TPPP: variants seen among roughly 807,000 people sequenced by gnomAD.
TPPP encodes tubulin polymerization promoting protein, also known as tubulin polymerization-promoting protein.
A neutral mutation model predicts 15.5 loss-of-function variants in TPPP; 6 were observed. The ratio of observed to expected loss-of-function variants is 0.39; its 90% CI spans 0.21 to 0.77. TPPP has a LOEUF of 0.77. TPPP is among the 30% of genes least tolerant of loss of function. TPPP has a pLI of 0.42. For synonymous variants in TPPP, 146 were observed against 133.9 expected (o/e 1.09, Z -0.63); for missense variants, 269 against 307.2 (o/e 0.88, Z 0.93).
intron 2 of TPPP, among the ~76,000 whole-genome samples, chr5:673,067 G>A (rs1740278824): frequency 6.6e-6 from 1 of 152,104 alleles, no homozygotes; most frequent in East Asian, 1.9e-4. Context: ...CAGTACCGAA[G>A]GCCACTTCCT....
chr5:685,217 C>G (rs752606396), intron 1 of TPPP, among the ~76,000 whole-genome samples: 4 of 152,238 alleles, frequency 2.6e-5, no homozygotes, highest in Admixed American at 2.6e-4. Context: ...GTCTCCAGGC[C>G]TGGGCTGAGG....
At chr5:675,517 G>A (rs1159526721) in intron 2 of TPPP, among the ~76,000 whole-genome samples, 1 of 146,398 alleles carries the variant, frequency 6.8e-6, no homozygotes, top group African/African-American at 2.5e-5. Context: ...AGTGTGACCA[G>A]GGGTGCAGTG....
chr5:683,556 T>G (rs565729979), intron 1 of TPPP, among the ~76,000 whole-genome samples: 59 of 152,336 alleles, frequency 3.9e-4, no homozygotes, highest in African/African-American at 1.3e-3. Flanking sequence ...CCTCTACCCC[T>G]GGAGACACTG....
the TPPP span, among the ~76,000 whole-genome samples, chr5:700,135 C>A: frequency 6.6e-6 from 1 of 151,986 alleles, no homozygotes; most frequent in East Asian, 1.9e-4. Context: ...CAAAAACCAC[C>A]TGCACTTTAT....
chr5:692,214 A>C (rs1176888355), intron 1 of TPPP, among the ~76,000 whole-genome samples: 9 of 67,332 alleles, frequency 1.3e-4, no homozygotes, highest in Admixed American at 2.3e-4. Context: ...CAGCCCCCCA[A>C]CCCCCTATCA....
intron 2 of TPPP, among the ~76,000 whole-genome samples, chr5:672,437 C>T (rs1430316085): frequency 5.9e-5 from 9 of 152,276 alleles, no homozygotes; most frequent in African/African-American, 9.6e-5. Flanking sequence ...AGCACACAAG[C>T]GTGGGTCCTG....
chr5:697,296 T>C (rs1741032312), upstream of TPPP, among the ~76,000 whole-genome samples: 1 of 84,246 alleles, frequency 1.2e-5, no homozygotes, highest in Non-Finnish European at 2.6e-5. Context: ...AAATGGGGGG[T>C]GTTCAGCCCT....
At chr5:695,543 T>A (rs1740995787), upstream of TPPP, among the ~76,000 whole-genome samples, 1 of 149,210 alleles carries the variant, frequency 6.7e-6, no homozygotes, top group African/African-American at 2.5e-5. Flanking sequence ...GCTTTCCTCT[T>A]ACGGCTTAGG....
rs1002994767 is a variant in TPPP at position 664,826 on chromosome 5, G to T, written c.*276C>A. 2.1e-6 allele frequency: 1 copy of T among 468,302 alleles called. No homozygotes were observed. The highest frequency in any genetic ancestry group is 3.9e-6 in the Non-Finnish European group (1 of 258,020). The allele number at this position is 468,302 out of a possible 1,614,324, so 29.0% of individuals were successfully genotyped here. On this transcript the variant is annotated 3_prime_UTR_variant, in exon 4 of 4. Transcript: ENST00000360578. ...ACCTGCAAACCACGTGCCCAGTGTGGTGTGATCCGCGAGACACTTTGGAAA... is the reference window on the plus strand; with the variant it reads ...ACCTGCAAACCACGTGCCCAGTGTGTTGTGATCCGCGAGACACTTTGGAAA...
intron 2 of TPPP, among the ~76,000 whole-genome samples, chr5:670,731 C>T (rs1258718955): frequency 5.9e-5 from 9 of 152,158 alleles, no homozygotes; most frequent in African/African-American, 9.7e-5. Flanking sequence ...GCCTGTTGGC[C>T]GCCCCTGCCT....
rs751932777 is a variant in TPPP at position 666,055 on chromosome 5, C to T, written c.380G>A (p.Arg127Gln). Reference protein sequence around the residue: ...QEALEELAKKRFKDKSSEEAV... With the variant: ...QEALEELAKKQFKDKSSEEAV... ...CTCCTCGCTGCTCTTGTCTTTGAAT[C>T]GCTTCTTGGCGAGCTCCTCCAGCGC... The change falls in exon 3 of 4, where the codon CGA (arginine) becomes CAA (glutamine). Residue 127 changes from arginine to glutamine, a missense_variant. Arg to Gln is a conservative substitution (Grantham distance 43, BLOSUM62 1). Transcript: ENST00000360578. 3.1e-6 allele frequency: 5 copies of T among 1,612,152 alleles called. No homozygotes were observed. The highest frequency in any genetic ancestry group is 4.2e-6 in the Non-Finnish European group (5 of 1,179,742).
In TPPP at chr5:664,008, G is replaced by C. The variant is rs1336806214; in HGVS notation, c.*1094C>G. On this transcript the variant is annotated 3_prime_UTR_variant, in exon 4 of 4. Coordinates refer to ENST00000360578, the MANE Select transcript of TPPP (RefSeq NM_007030.3). Reference sequence around the variant, plus strand: ...TGGCAGTGTGGAGTGTCCTGGATGGGCTCTGCTCAGCCCCCTGCTGGCAGA... The same window carrying C: ...TGGCAGTGTGGAGTGTCCTGGATGGCCTCTGCTCAGCCCCCTGCTGGCAGA... The C allele has an allele frequency of 6.6e-6, 1 of 152,520 alleles. No individual in the cohort carries two copies. The highest frequency in any genetic ancestry group is 1.5e-5 in the Non-Finnish European group (1 of 68,248). The allele number at this position is 152,520 out of a possible 1,614,324, so 9.4% of individuals were successfully genotyped here.
chr5:671,806 G>C (rs1740232972), intron 2 of TPPP, among the ~76,000 whole-genome samples: 1 of 152,230 alleles, frequency 6.6e-6, no homozygotes, highest in South Asian at 2.1e-4. Flanking sequence ...GGGCTCCAGA[G>C]CCGCCGAGTG....
In TPPP at chr5:665,014, C is replaced by G. The variant is rs939895229; in HGVS notation, c.*88G>C. ...CTGGGGCACCCGTCTGAGTTCTGCCCCAGTTAGTACAGGAATGTAATGAAG... is the reference window on the plus strand; with the variant it reads ...CTGGGGCACCCGTCTGAGTTCTGCCGCAGTTAGTACAGGAATGTAATGAAG... On this transcript the variant is annotated 3_prime_UTR_variant, in exon 4 of 4. Coordinates refer to ENST00000360578, the MANE Select transcript of TPPP (RefSeq NM_007030.3). 1.3e-5 allele frequency: 19 copies of G among 1,473,220 alleles called. No individual in the cohort carries two copies. The highest frequency in any genetic ancestry group is 2.3e-5 in the East Asian group (1 of 43,714). The allele number at this position is 1,473,220 out of a possible 1,614,324, so 91.3% of individuals were successfully genotyped here.
At position 664,781 on chromosome 5, in the gene TPPP, T is replaced by C. The variant is rs944036841; in HGVS notation, c.*321A>G. 1.7e-5 allele frequency: 5 copies of C among 287,568 alleles called. No individual in the cohort carries two copies. In the Admixed American group the frequency reaches 2.4e-4, roughly 14 times the overall value. The allele number at this position is 287,568 out of a possible 1,614,324, so 17.8% of individuals were successfully genotyped here. A position where few individuals can be genotyped will look rare whatever the true frequency, so the allele number is the denominator to read the frequency against. ...GCCTCCTGTTGCCATGACAGCCAGC[T>C]GCTTTAAAACGCCCCTTTGACCTGC... On this transcript the variant is annotated 3_prime_UTR_variant, in exon 4 of 4. Transcript: ENST00000360578.
upstream of TPPP, among the ~76,000 whole-genome samples, chr5:694,743 C>T (rs1180588590): frequency 1.2e-4 from 3 of 25,470 alleles, no homozygotes; most frequent in South Asian, 1.4e-3. Context: ...GGTGCGGGCT[C>T]GGCTGCCTTC....
At position 664,400 on chromosome 5, in the gene TPPP, C is replaced by T; in HGVS notation, c.*702G>A. 6.6e-6 allele frequency: 1 copy of T among 152,582 alleles called. No individual in the cohort carries two copies. The highest frequency in any genetic ancestry group is 1.5e-5 in the Non-Finnish European group (1 of 68,300). 9.5% of individuals were successfully genotyped at this position (152,582 alleles called of 1,614,324 possible). A position where few individuals can be genotyped will look rare whatever the true frequency, so the allele number is the denominator to read the frequency against. ...CCTACTCTACCCTCACAGTCCAAGC[C>T]ACTGTGGTCAGCCGGGAAGCCGCCC... On this transcript the variant is annotated 3_prime_UTR_variant, in exon 4 of 4. Transcript: ENST00000360578.
intron 2 of TPPP, among the ~76,000 whole-genome samples, chr5:668,619 C>T (rs144082216): frequency 1.2e-4 from 18 of 152,372 alleles, no homozygotes; most frequent in East Asian, 7.7e-4. Context: ...GGCCGAGCAA[C>T]GCGGCAGAGC....
the TPPP span, among the ~76,000 whole-genome samples, chr5:699,395 C>G: frequency 6.6e-6 from 1 of 152,058 alleles, no homozygotes; most frequent in East Asian, 1.9e-4. Flanking sequence ...ATAAATGGTG[C>G]TGGGAAAAGT....
Sources: allele counts gnomAD v4.1 joint callset (sites outside exome capture counted in the v4.1 genomes callset), GRCh38; gene constraint gnomAD v4.1.1; transcripts MANE v1.5; gene names NCBI Gene and HGNC (gene_info 2026-07-23, HGNC 2026-07-21).